The following ZNF639 variants were observed in gnomAD, a reference collection of about 807,000 sequenced individuals.
ZNF639 encodes zinc finger protein 639, also known as zinc finger amplified in esophageal squamous cell carcinomas 1.
ZNF639 carries 20 observed loss-of-function variants against 39.8 expected under a neutral mutation model. The ratio of observed to expected loss-of-function variants is 0.50; its 90% CI spans 0.35 to 0.73. ZNF639 has a LOEUF of 0.73. Ranked by LOEUF, ZNF639 falls within the 30% of genes least tolerant of loss-of-function variation. ZNF639 has a pLI of 0.00. For missense variants in ZNF639, 477 were observed against 566.2 expected, an observed-to-expected ratio of 0.84 and a Z score of 1.60; for synonymous variants, 176 against 189.8, an observed-to-expected ratio of 0.93 and a Z score of 0.60.
chr3:179,324,324 T>C (rs905889978), intron 1 of ZNF639, among the ~76,000 whole-genome samples: 7 of 152,176 alleles, frequency 4.6e-5, no homozygotes, highest in African/African-American at 1.7e-4. Flanking sequence ...GGTGGAAAGA[T>C]GTTGGTTTCT....
rs1041550525 is a variant in ZNF639 at position 179,323,061 on chromosome 3, G to T, written c.-313G>T. On this transcript the variant is annotated 5_prime_UTR_variant, in exon 1 of 6. Transcript: ENST00000496856. The stretch of plus-strand genomic sequence containing the variant: ...GCGCGGCGCAGGCGCGGAGCGTGGC[G>T]GCCAGGGCAGTGCGGCCGCGGAGCC... 2.0e-6 allele frequency: 2 copies of T among 985,124 alleles called. No homozygotes were observed. Among genetic ancestry groups the T allele is most frequent in the Admixed American group, 6.2e-5 (1 of 16,216 alleles). 61.0% of individuals were successfully genotyped at this position (985,124 alleles called of 1,614,324 possible).
rs578250868 is a variant in ZNF639 at position 179,325,701 on chromosome 3, G to A, written c.-82-1860G>A. Reference sequence around the variant, plus strand: ...GAGGTCAGGAGATCGAGAACATCCTGGCTAACACGGTGAAACCCCGTCTGT... The same window carrying A: ...GAGGTCAGGAGATCGAGAACATCCTAGCTAACACGGTGAAACCCCGTCTGT... On this transcript the variant is annotated intron_variant, in intron 1 of 5. Transcript: ENST00000496856. Among the ~76,000 whole-genome samples, 184 of 151,594 alleles carry A rather than the reference G, an allele frequency of 1.2e-3. 1 individual carries two copies. Among genetic ancestry groups the A allele is most frequent in the Non-Finnish European group, 2.1e-3 (141 of 67,908 alleles).
chr3:179,325,867 C>T (rs563847309), intron 1 of ZNF639, among the ~76,000 whole-genome samples: 4 of 151,924 alleles, frequency 2.6e-5, no homozygotes, highest in South Asian at 2.1e-4. Context: ...GGCGAAAGAG[C>T]GAGACTCTGT....
At chr3:179,327,780 T>C (rs1032908218) in intron 2 of ZNF639, 149 bp downstream of exon 2, 3 of 152,342 alleles carry the variant, frequency 2.0e-5, no homozygotes, top group African/African-American at 7.2e-5. Flanking sequence ...AAATTATTTA[T>C]ATTCTGATCT....
rs1316638979 is a variant in ZNF639, at chr3:179,337,941, AT to A, written c.*3524del. ...ACCACCACACCCAGCTAATTTTTCT[AT>A]TTTTAGTAGAGATGGGGTTTCACCA... On this transcript the variant is annotated 3_prime_UTR_variant, in exon 6 of 6. Transcript: ENST00000496856. 6.7e-6 allele frequency: 1 copy of A among 150,146 alleles called. No individual in the cohort carries two copies. Among genetic ancestry groups the A allele is most frequent in the Non-Finnish European group, 1.5e-5 (1 of 67,536 alleles). The allele number at this position is 150,146 out of a possible 1,614,324, so 9.3% of individuals were successfully genotyped here. A position where few individuals can be genotyped will look rare whatever the true frequency, so the allele number is the denominator to read the frequency against.
rs549919127 is a variant in ZNF639 at position 179,338,336 on chromosome 3, T to C, written c.*3914T>C. ...AATCTTCATCTTACAATGAGTTATT[T>C]TGAAATTCCAAAACATTTCCCTGTA... On this transcript the variant is annotated 3_prime_UTR_variant, in exon 6 of 6. Coordinates refer to ENST00000496856, the MANE Select transcript of ZNF639 (RefSeq NM_001303426.2). 6 of 152,324 alleles carry C rather than the reference T, an allele frequency of 3.9e-5. No individual in the cohort carries two copies. Among genetic ancestry groups the C allele is most frequent in the African/African-American group, 1.4e-4 (6 of 41,584 alleles). The allele number at this position is 152,324 out of a possible 1,614,324, so 9.4% of individuals were successfully genotyped here.
At position 179,334,710 on chromosome 3, in the gene ZNF639, T is replaced by C; in HGVS notation, c.*288T>C. The C allele has an allele frequency of 5.4e-6, 1 of 185,674 alleles. No homozygotes were observed. Among genetic ancestry groups the C allele is most frequent in the Non-Finnish European group, 1.1e-5 (1 of 90,596 alleles). The allele number at this position is 185,674 out of a possible 1,614,324, so 11.5% of individuals were successfully genotyped here. ...CATGAATTGAAAAGAAACAAATGTATTGAAGAAGTGAGCTACAGTTTTCCT... is the reference window on the plus strand; with the variant it reads ...CATGAATTGAAAAGAAACAAATGTACTGAAGAAGTGAGCTACAGTTTTCCT... On this transcript the variant is annotated 3_prime_UTR_variant, in exon 6 of 6. Transcript: ENST00000496856.
At position 179,334,612 on chromosome 3, in the gene ZNF639, C is replaced by A. The variant is rs1728116867; in HGVS notation, c.*190C>A. 5.6e-6 allele frequency: 2 copies of A among 359,634 alleles called. No individual in the cohort carries two copies. The highest frequency in any genetic ancestry group is 4.5e-5 in the East Asian group (1 of 22,172). The allele number at this position is 359,634 out of a possible 1,614,324, so 22.3% of individuals were successfully genotyped here. On this transcript the variant is annotated 3_prime_UTR_variant, in exon 6 of 6. Coordinates refer to ENST00000496856, the MANE Select transcript of ZNF639 (RefSeq NM_001303426.2). ...AAATATATCTTTAATGTGGTATTTT[C>A]AATTGCGTGATAGTTTGTAGTTTCA...
At chr3:179,331,360 G>A (rs1727894236) in intron 4 of ZNF639, among the ~76,000 whole-genome samples, 1 of 152,190 alleles carries the variant, frequency 6.6e-6, no homozygotes, top group Non-Finnish European at 1.5e-5. Context: ...AGGCCAAGAA[G>A]CAGTAAAACT....
upstream of ZNF639, chr3:179,322,912 G>C: frequency 1.0e-6 from 1 of 985,186 alleles, no homozygotes; most frequent in Non-Finnish European, 1.2e-6. Flanking sequence ...GGGCCGCTGG[G>C]CCTCCCCCGG....
Position 179,333,403 on chromosome 3 carries a change from A to C in ZNF639, c.439A>C (p.Ile147Leu). 6.2e-7 allele frequency: 1 copy of C among 1,614,100 alleles called. No homozygotes were observed. Among genetic ancestry groups the C allele is most frequent in the Non-Finnish European group, 8.5e-7 (1 of 1,180,028 alleles). ...TCCAATTGCTGTAGAAGTGCATGCG[A>C]TTTCTGAGGATTATGATATAGAGAC... ...DVPIAVEVHAISEDYDIETEN... is the reference protein window; with the variant it reads ...DVPIAVEVHALSEDYDIETEN... The change falls in exon 6 of 6, where the codon ATT (isoleucine) becomes CTT (leucine). Residue 147 changes from isoleucine (I) to leucine (L), a missense_variant. Coordinates refer to ENST00000496856, the MANE Select transcript of ZNF639 (RefSeq NM_001303426.2).
chr3:179,333,367 G>T lies in ZNF639; in HGVS notation c.403G>T (p.Ala135Ser), dbSNP rs754842285. 5.6e-6 allele frequency: 9 copies of T among 1,614,100 alleles called. No individual in the cohort carries two copies. The highest frequency in any genetic ancestry group is 1.7e-5 in the Admixed American group (1 of 60,010). Residue 135 changes from alanine (A) to serine (S), a missense_variant, in exon 6 of 6, where the codon GCT becomes TCT. Ala to Ser is a moderately conservative substitution (Grantham distance 99). Coordinates refer to ENST00000496856, the MANE Select transcript of ZNF639 (RefSeq NM_001303426.2). ...QEESPIEVHT[A>S]EDVPIAVEVH... is the part of the protein sequence containing the mutation. Reference sequence around the variant, plus strand: ...GGAGAGTCCTATAGAAGTTCACACTGCTGAAGATGTTCCAATTGCTGTAGA... The same window carrying T: ...GGAGAGTCCTATAGAAGTTCACACTTCTGAAGATGTTCCAATTGCTGTAGA...
rs1285693078 is a variant in ZNF639 at position 179,333,919 on chromosome 3, T to C, written c.955T>C (p.Cys319Arg). 4 of 1,614,072 alleles carry C rather than the reference T, an allele frequency of 2.5e-6. No individual in the cohort carries two copies. The highest frequency in any genetic ancestry group is 2.7e-5 in the African/African-American group (2 of 74,934). Residue 319 changes from cysteine to arginine, a missense_variant, in exon 6 of 6, where the codon TGT becomes CGT. Transcript: ENST00000496856. ...QEHSCDEQYLCQFCEHETNDP... is the reference protein window; with the variant it reads ...QEHSCDEQYLRQFCEHETNDP... ...GCACAGCTGTGATGAACAGTACTTG[T>C]GTCAGTTCTGTGAACATGAAACTAA... is the stretch of plus-strand genomic sequence containing the variant.
In ZNF639 at chr3:179,335,532, C is replaced by T. The variant is rs1055979020; in HGVS notation, c.*1110C>T. On this transcript the variant is annotated 3_prime_UTR_variant, in exon 6 of 6. Coordinates refer to ENST00000496856, the MANE Select transcript of ZNF639 (RefSeq NM_001303426.2). The stretch of plus-strand genomic sequence containing the variant: ...ATTTATTAATAAAATGATAAATTAG[C>T]ATCAATATTAGTTCGTATGGCTGCC... 1 of 152,184 alleles carries T rather than the reference C, an allele frequency of 6.6e-6. No individual in the cohort carries two copies. The highest frequency in any genetic ancestry group is 2.4e-5 in the African/African-American group (1 of 41,446). The allele number at this position is 152,184 out of a possible 1,614,324, so 9.4% of individuals were successfully genotyped here.
At position 179,334,137 on chromosome 3, in the gene ZNF639, G is replaced by A; in HGVS notation, c.1173G>A (p.Arg391=). ...GTAGACTTCACACAAATGTTAACAGGCATGTTGCTATTGAACATACAAAAA... is the reference window on the plus strand; with the variant it reads ...GTAGACTTCACACAAATGTTAACAGACATGTTGCTATTGAACATACAAAAA... ...FRSRLHTNVN[R]HVAIEHTKIF... Residue 391 remains arginine, a synonymous_variant, in exon 6 of 6, where the codon AGG becomes AGA. Coordinates refer to ENST00000496856, the MANE Select transcript of ZNF639 (RefSeq NM_001303426.2). 6.2e-7 allele frequency: 1 copy of A among 1,614,080 alleles called. No homozygotes were observed. Among genetic ancestry groups the A allele is most frequent in the Non-Finnish European group, 8.5e-7 (1 of 1,179,988 alleles).
chr3:179,336,270 G>GCA lies in ZNF639; in HGVS notation c.*1850_*1851dup, dbSNP rs1310176979. 6.6e-6 allele frequency: 1 copy of GCA among 152,172 alleles called. No homozygotes were observed. The highest frequency in any genetic ancestry group is 1.5e-5 in the Non-Finnish European group (1 of 68,034). The allele number at this position is 152,172 out of a possible 1,614,324, so 9.4% of individuals were successfully genotyped here. Reference sequence around the variant, plus strand: ...CAATTGAGTAGCAGAGTCTGAAACAGCACTATAAAGAAGATAGAATTATAT... The same window carrying GCA: ...CAATTGAGTAGCAGAGTCTGAAACAGCACACTATAAAGAAGATAGAATTATAT... On this transcript the variant is annotated 3_prime_UTR_variant, in exon 6 of 6. Coordinates refer to ENST00000496856, the MANE Select transcript of ZNF639 (RefSeq NM_001303426.2).
At chr3:179,331,451 G>A (rs1727900012) in intron 4 of ZNF639, among the ~76,000 whole-genome samples, 1 of 152,124 alleles carries the variant, frequency 6.6e-6, no homozygotes, top group African/African-American at 2.4e-5. Flanking sequence ...TGCACATAGT[G>A]ACTTCTTACA....
rs1272729150 is a variant in ZNF639 at position 179,336,990 on chromosome 3, G to A, written c.*2568G>A. The stretch of plus-strand genomic sequence containing the variant: ...GAAAAGATTGCAGGCTGGGCGTGGT[G>A]GCCCACGCCTCTAATCCCAGCACTT... On this transcript the variant is annotated 3_prime_UTR_variant, in exon 6 of 6. Transcript: ENST00000496856. 6.6e-6 allele frequency: 1 copy of A among 152,196 alleles called. No individual in the cohort carries two copies. The highest frequency in any genetic ancestry group is 1.5e-5 in the Non-Finnish European group (1 of 68,066). 9.4% of individuals were successfully genotyped at this position (152,196 alleles called of 1,614,324 possible). A position where few individuals can be genotyped will look rare whatever the true frequency, so the allele number is the denominator to read the frequency against.
chr3:179,325,972 T>G (rs571216280), intron 1 of ZNF639, among the ~76,000 whole-genome samples: 1 of 152,170 alleles, frequency 6.6e-6, no homozygotes, highest in Non-Finnish European at 1.5e-5. Context: ...CAGAACTTAG[T>G]GAAGCAGCAA....
Sources: allele counts gnomAD v4.1 joint callset (sites outside exome capture counted in the v4.1 genomes callset), GRCh38; gene constraint gnomAD v4.1.1; transcripts MANE v1.5; gene names NCBI Gene and HGNC (gene_info 2026-07-23, HGNC 2026-07-21).